Variants in PTPRD observed in about 807,000 individuals in gnomAD.
PTPRD encodes protein tyrosine phosphatase receptor type D.
Under a neutral mutation model 214.5 loss-of-function variants are expected in PTPRD, and 34 were observed. That is an observed-to-expected ratio of 0.16 (90% CI 0.12 to 0.21). PTPRD has a LOEUF of 0.21. PTPRD is among the 10% of genes least tolerant of loss of function. PTPRD has a pLI of 1.00. For synonymous variants in PTPRD, 1,128 were observed against 845.7 expected (o/e 1.33, Z -5.79); for missense variants, 2,545 against 2,398.7 (o/e 1.06, Z -1.27).
intron 11 of PTPRD, among the ~76,000 whole-genome samples, chr9:8,977,651 C>G (rs2099275497): frequency 1.4e-5 from 2 of 144,914 alleles, no homozygotes; most frequent in South Asian, 4.5e-4. Flanking sequence ...CTATACTATT[C>G]TGTAACAAGG....
chr9:9,468,905 C>T (rs1368572816), intron 8 of PTPRD, among the ~76,000 whole-genome samples: 1 of 152,020 alleles, frequency 6.6e-6, no homozygotes, highest in Non-Finnish European at 1.5e-5. Flanking sequence ...AGGGCAAATT[C>T]TCATGTGTAT....
chr9:10,343,289 C>A (rs1321173807), intron 2 of PTPRD, among the ~76,000 whole-genome samples: 2 of 152,018 alleles, frequency 1.3e-5, no homozygotes, highest in Non-Finnish European at 2.9e-5. Context: ...CATCCATGTC[C>A]CTGCAAAGGA....
chr9:10,188,499 A>C (rs1384521611), intron 3 of PTPRD, among the ~76,000 whole-genome samples: 1 of 152,052 alleles, frequency 6.6e-6, no homozygotes, highest in Admixed American at 6.6e-5. Flanking sequence ...CAAATCATTC[A>C]ACTTAGTCTT....
chr9:8,320,557 C>A lies in PTPRD; in HGVS notation c.5535-591G>T, dbSNP rs1015179570. Among the ~76,000 whole-genome samples the A allele has an allele frequency of 2.0e-5, 3 of 150,622 alleles. No individual in the cohort carries two copies. The East Asian group carries it at 5.8e-4, about 29-fold the overall frequency. On this transcript the variant is annotated intron_variant, in intron 44 of 45. Transcript: ENST00000381196. ...AGTCTTCAGGAGGGTTTATGACTATCCTGTAAGTGTACGTACACATGAAGT... is the reference window on the plus strand; with the variant it reads ...AGTCTTCAGGAGGGTTTATGACTATACTGTAAGTGTACGTACACATGAAGT...
At chr9:8,752,166 G>A (rs932168518) in intron 11 of PTPRD, among the ~76,000 whole-genome samples, 21 of 152,168 alleles carry the variant, frequency 1.4e-4, no homozygotes, top group African/African-American at 4.1e-4. Flanking sequence ...ATTCTCAGAC[G>A]GTTAGGGCAT....
intron 7 of PTPRD, among the ~76,000 whole-genome samples, chr9:9,575,028 G>A (rs1275378074): frequency 1.3e-5 from 2 of 151,790 alleles, no homozygotes; most frequent in African/African-American, 4.8e-5. Flanking sequence ...GGCAATTATT[G>A]TCCACTTGCT....
At chr9:9,520,776 A>C (rs1047130754) in intron 8 of PTPRD, among the ~76,000 whole-genome samples, 1 of 152,226 alleles carries the variant, frequency 6.6e-6, no homozygotes, top group Non-Finnish European at 1.5e-5. Flanking sequence ...AGCATGGGTT[A>C]CAGAACTGTG....
intron 11 of PTPRD, among the ~76,000 whole-genome samples, chr9:8,803,132 C>A (rs1027406485): frequency 6.6e-6 from 1 of 152,056 alleles, no homozygotes; most frequent in Admixed American, 6.6e-5. Context: ...AAGAACTACA[C>A]AAGATAACGC....
intron 10 of PTPRD, among the ~76,000 whole-genome samples, chr9:9,169,751 C>T (rs62529518): frequency 3.6e-3 from 543 of 152,260 alleles, no homozygotes; most frequent in Non-Finnish European, 6.4e-3. Context: ...AGGTTAAACA[C>T]ATTCTAAAAA....
intron 7 of PTPRD, among the ~76,000 whole-genome samples, chr9:9,626,493 T>C (rs1351405173): frequency 2.0e-5 from 3 of 152,114 alleles, no homozygotes; most frequent in Non-Finnish European, 2.9e-5. Flanking sequence ...GCTTCAAATA[T>C]TGAAACCTGT....
chr9:8,864,179 A>G (rs2098155637), intron 11 of PTPRD, among the ~76,000 whole-genome samples: 1 of 152,356 alleles, frequency 6.6e-6, no homozygotes, highest in South Asian at 2.1e-4. Context: ...AAATCATGGG[A>G]CATAACCTGA....
intron 7 of PTPRD, among the ~76,000 whole-genome samples, chr9:9,673,807 C>T (rs922175749): frequency 6.6e-6 from 1 of 150,762 alleles, no homozygotes; most frequent in Non-Finnish European, 1.5e-5. Flanking sequence ...AGACAGATTA[C>T]ATATAAGGAA....
At chr9:10,001,445 T>G (rs1171940694) in intron 4 of PTPRD, among the ~76,000 whole-genome samples, 1 of 152,030 alleles carries the variant, frequency 6.6e-6, no homozygotes, top group Non-Finnish European at 1.5e-5. Flanking sequence ...CTGAAAGAGA[T>G]CCACAAGTAG....
chr9:9,729,447 A>C (rs1323672007), intron 7 of PTPRD, among the ~76,000 whole-genome samples: 1 of 152,054 alleles, frequency 6.6e-6, no homozygotes, highest in African/African-American at 2.4e-5. Flanking sequence ...TCCTATGACC[A>C]CACCTAACTG....
chr9:9,543,293 T>C (rs2078037991), intron 8 of PTPRD, among the ~76,000 whole-genome samples: 1 of 151,588 alleles, frequency 6.6e-6, no homozygotes, highest in Admixed American at 6.6e-5. Flanking sequence ...TTGCCACTGG[T>C]GGATGTTAGA....
At chr9:8,917,663 C>A (rs1398894130) in intron 11 of PTPRD, among the ~76,000 whole-genome samples, 1 of 152,098 alleles carries the variant, frequency 6.6e-6, no homozygotes, top group Non-Finnish European at 1.5e-5. Context: ...GCAATATGCT[C>A]TAATTTTTCT....
chr9:9,368,069 G>A (rs914871634), intron 9 of PTPRD, among the ~76,000 whole-genome samples: 1 of 151,638 alleles, frequency 6.6e-6, no homozygotes, highest in Non-Finnish European at 1.5e-5. Flanking sequence ...TACTCAATAT[G>A]GATCCCATTT....
chr9:9,214,424 T>G (rs2099950804), intron 9 of PTPRD, among the ~76,000 whole-genome samples: 3 of 152,096 alleles, frequency 2.0e-5, no homozygotes, highest in Admixed American at 6.6e-5. Flanking sequence ...TCGGAAGACA[T>G]CATGATGGAA....
chr9:8,750,647 T>C (rs1276281977), intron 11 of PTPRD, among the ~76,000 whole-genome samples: 2 of 152,108 alleles, frequency 1.3e-5, no homozygotes, highest in Non-Finnish European at 2.9e-5. Flanking sequence ...GCAGAAAAGC[T>C]TCCCATGTGA....
Sources: gnomAD v4.1 joint callset for allele counts (sites outside exome capture counted in the v4.1 genomes callset) on GRCh38, gnomAD v4.1.1 for gene constraint, MANE v1.5 for transcripts, NCBI Gene and HGNC (gene_info 2026-07-23, HGNC 2026-07-21) for gene names.